The following MCCC2 variants were observed in gnomAD, a reference collection of about 807,000 sequenced individuals.
MCCC2 encodes the protein methylcrotonyl-CoA carboxylase subunit 2, also known as methylcrotonoyl-CoA carboxylase beta chain, mitochondrial.
Under a neutral mutation model 77.2 loss-of-function variants are expected in MCCC2, and 52 were observed. That is an observed-to-expected ratio of 0.67 (90% confidence interval 0.54 to 0.85). The LOEUF is 0.85. Among genes scored for constraint, MCCC2 ranks in the 40% least tolerant of loss-of-function variants. The pLI, the probability that MCCC2 is intolerant of heterozygous loss-of-function variation, is 0.00. For missense variants in MCCC2, 682 were observed against 703.2 expected (o/e 0.97, Z 0.34); for synonymous variants, 253 against 248.4 (o/e 1.02, Z -0.18).
chr5:71,651,033 C>T (rs1460264804), intron 15 of MCCC2, among the ~76,000 whole-genome samples: 5 of 152,146 alleles, frequency 3.3e-5, no homozygotes, highest in African/African-American at 9.7e-5. Context: ...GATCTGCCCA[C>T]CTCCCAAAGT....
intron 16 of MCCC2, among the ~76,000 whole-genome samples, chr5:71,653,300 C>T (rs1431283606): frequency 1.3e-5 from 2 of 152,084 alleles, no homozygotes; most frequent in African/African-American, 4.8e-5. Flanking sequence ...GCTGTTGGCT[C>T]GGTTTTTTTC....
At chr5:71,631,917 A>G (rs1746728514) in intron 7 of MCCC2, among the ~76,000 whole-genome samples, 2 of 152,034 alleles carry the variant, frequency 1.3e-5, no homozygotes, top group African/African-American at 4.8e-5. Context: ...GTTCTTTGTG[A>G]CTCTGGGCTT....
intron 1 of MCCC2, among the ~76,000 whole-genome samples, chr5:71,591,200 A>G (rs1040697961): frequency 2.0e-5 from 3 of 152,218 alleles, no homozygotes; most frequent in Admixed American, 2.0e-4. Flanking sequence ...AAGGAACTAA[A>G]TAACTAGAGA....
At chr5:71,654,360 A>T (rs1311265450) in intron 16 of MCCC2, among the ~76,000 whole-genome samples, 2 of 152,226 alleles carry the variant, frequency 1.3e-5, no homozygotes, top group African/African-American at 4.8e-5. Flanking sequence ...ACAAATTTAC[A>T]GGTATATTTT....
At position 71,632,102 on chromosome 5, in the gene MCCC2, A is replaced by G. The variant is rs773280210; in HGVS notation, c.739-19A>G. ...GTCTGATGGACCGATTTCACTGATG[A>G]TTTTTATCCTTGTTGTAGGTTAAAG... On this transcript the variant is annotated intron_variant, in intron 7 of 16. Transcript: ENST00000340941. The G allele has an allele frequency of 1.9e-6, 3 of 1,613,404 alleles. No individual in the cohort carries two copies. Among genetic ancestry groups the G allele is most frequent in the Non-Finnish European group, 8.5e-7 (1 of 1,179,328 alleles).
At position 71,643,843 on chromosome 5, in the gene MCCC2, C is replaced by T; in HGVS notation, c.1097C>T (p.Pro366Leu). 6.2e-7 allele frequency: 1 copy of T among 1,613,994 alleles called. No individual in the cohort carries two copies. The change falls in exon 12 of 17, where the codon CCA becomes CTA. Residue 366 changes from proline (P) to leucine (L), a missense_variant. Transcript: ENST00000340941. Reference protein sequence around the residue: ...VTGFARIFGYPVGIVGNNGVL... With the variant: ...VTGFARIFGYLVGIVGNNGVL... The stretch of plus-strand genomic sequence containing the variant: ...GGATTTGCTCGAATATTTGGGTACC[C>T]AGTAGGTATCGTTGGAAACAACGGA...
intron 3 of MCCC2, among the ~76,000 whole-genome samples, chr5:71,597,740 G>A (rs1198983007): frequency 6.6e-6 from 1 of 152,124 alleles, no homozygotes; most frequent in Non-Finnish European, 1.5e-5. Context: ...TATCCTTCTA[G>A]GCCATTTGTA....
In MCCC2 at chr5:71,657,210, C is replaced by G. The variant is rs73763913; in HGVS notation, c.*350C>G. The G allele has an allele frequency of 3.6e-3, 841 of 235,004 alleles. 10 individuals are homozygous for G. Among genetic ancestry groups the G allele is most frequent in the African/African-American group, 0.018 (794 of 43,318 alleles). The allele number at this position is 235,004 out of a possible 1,614,324, so 14.6% of individuals were successfully genotyped here. A position where few individuals can be genotyped will look rare whatever the true frequency, so the allele number is the denominator to read the frequency against. Reference sequence around the variant, plus strand: ...TGATTAATATAAAGTTGTATTTTCACTGAAATGATTGTTTTGCTGGTTATG... The same window carrying G: ...TGATTAATATAAAGTTGTATTTTCAGTGAAATGATTGTTTTGCTGGTTATG... On this transcript the variant is annotated 3_prime_UTR_variant, in exon 17 of 17. Transcript: ENST00000340941.
rs7720072 is a variant in MCCC2 at position 71,610,863 on chromosome 5, G to A, written c.624+6395G>A. 7.0e-3 allele frequency among the ~76,000 whole-genome samples: 1,060 copies of A among 152,230 alleles called. 11 individuals carry two copies. The highest frequency in any genetic ancestry group is 0.025 in the African/African-American group (1,019 of 41,540). ...TAGCTGGGCGTGGTGGCACATGCCT[G>A]TAGTCCCAGCAACTTGGGAGACTGA... On this transcript the variant is annotated intron_variant, in intron 6 of 16. Transcript: ENST00000340941.
intron 13 of MCCC2, 61 bp downstream of exon 13, chr5:71,646,338 C>A (rs368051674): frequency 6.7e-7 from 1 of 1,486,956 alleles, no homozygotes; most frequent in Non-Finnish European, 9.4e-7. Flanking sequence ...ATCAGTGTGG[C>A]TCATGTATTG....
rs559129355 is a variant in MCCC2, at chr5:71,658,664, A to G, written c.*1804A>G. Reference sequence around the variant, plus strand: ...TAGGTGATTGATTATATGACCGAATAGAACTATCAAATGTTTTCCTAATAA... The same window carrying G: ...TAGGTGATTGATTATATGACCGAATGGAACTATCAAATGTTTTCCTAATAA... On this transcript the variant is annotated 3_prime_UTR_variant, in exon 17 of 17. Transcript: ENST00000340941. 2.6e-5 allele frequency: 4 copies of G among 152,362 alleles called. No individual in the cohort carries two copies. Among genetic ancestry groups the G allele is most frequent in the African/African-American group, 7.2e-5 (3 of 41,594 alleles). 9.4% of individuals were successfully genotyped at this position (152,362 alleles called of 1,614,324 possible). A position where few individuals can be genotyped will look rare whatever the true frequency, so the allele number is the denominator to read the frequency against.
chr5:71,656,040 C>A (rs1747569574), intron 16 of MCCC2, among the ~76,000 whole-genome samples: 1 of 152,112 alleles, frequency 6.6e-6, no homozygotes, highest in Non-Finnish European at 1.5e-5. Flanking sequence ...CATGGCGAAA[C>A]CCCGTCTCTT....
At chr5:71,602,878 G>T in intron 5 of MCCC2, 12 of 496,238 alleles carry the variant, frequency 2.4e-5, no homozygotes, top group Middle Eastern at 5.6e-4. Flanking sequence ...TATGTGTTGT[G>T]TGGTTTTTTT....
At chr5:71,631,541 T>C (rs1417000838) in intron 7 of MCCC2, among the ~76,000 whole-genome samples, 47 of 51,074 alleles carry the variant, frequency 9.2e-4, no homozygotes, top group African/African-American at 2.8e-3. Flanking sequence ...CTTTCTTCTT[T>C]TTTTTTTTTT....
Position 71,642,963 on chromosome 5 carries a change from A to G in MCCC2, c.1073-856A>G, listed in dbSNP as rs116600437. 3.8e-3 allele frequency among the ~76,000 whole-genome samples: 564 copies of G among 147,250 alleles called. 5 individuals are homozygous for G. The highest frequency in any genetic ancestry group is 0.014 in the African/African-American group (545 of 39,556). On this transcript the variant is annotated intron_variant, in intron 11 of 16. Transcript: ENST00000340941. The stretch of plus-strand genomic sequence containing the variant: ...GGCTGCAGTGAGCCATGATCTCGCC[A>G]TTGCATTCCAGCCTGGGCGACAGAA...
At chr5:71,656,695 T>A in intron 16 of MCCC2, 48 bp from the exon 17 acceptor site, 1 of 1,422,414 alleles carries the variant, frequency 7.0e-7, no homozygotes, top group Non-Finnish European at 9.9e-7. Flanking sequence ...AGTGTATAAA[T>A]GGTAGTTTGG....
At chr5:71,654,258 T>A (rs938166148) in intron 16 of MCCC2, among the ~76,000 whole-genome samples, 2 of 152,212 alleles carry the variant, frequency 1.3e-5, no homozygotes, top group Non-Finnish European at 2.9e-5. Context: ...CCTCCCAAAG[T>A]GCTTGGATTA....
chr5:71,644,275 G>A (rs1406092237), intron 12 of MCCC2, among the ~76,000 whole-genome samples: 1 of 152,114 alleles, frequency 6.6e-6, no homozygotes, highest in Non-Finnish European at 1.5e-5. Flanking sequence ...TCCTGAAAGT[G>A]CTTCATGTCC....
intron 16 of MCCC2, among the ~76,000 whole-genome samples, chr5:71,654,275 T>G (rs1303628594): frequency 1.3e-5 from 2 of 152,222 alleles, no homozygotes. Flanking sequence ...ATTACAGGCG[T>G]GAGCCACCTG....
Sources: gnomAD v4.1 joint callset for allele counts (sites outside exome capture counted in the v4.1 genomes callset) on GRCh38, gnomAD v4.1.1 for gene constraint, MANE v1.5 for transcripts, NCBI Gene and HGNC (gene_info 2026-07-23, HGNC 2026-07-21) for gene names.